PEX1: variants seen among roughly 807,000 people sequenced by gnomAD.
PEX1 encodes the protein peroxisomal ATPase PEX1.
In PEX1, 97 loss-of-function variants were observed where a neutral mutation model predicts 152.5. That is an observed-to-expected ratio of 0.64 (90% CI 0.54 to 0.75). The LOEUF is 0.75. PEX1 is among the 30% of genes least tolerant of loss of function. PEX1 has a pLI of 0.00. For synonymous variants in PEX1, 485 were observed against 531.6 expected, an observed-to-expected ratio of 0.91 and a Z score of 1.21; for missense variants, 1,357 against 1,516.3, an observed-to-expected ratio of 0.89 and a Z score of 1.74.
intron 15 of PEX1, among the ~76,000 whole-genome samples, chr7:92,500,629 C>T (rs1239647016): frequency 6.6e-6 from 1 of 152,218 alleles, no homozygotes; most frequent in East Asian, 1.9e-4. Context: ...CTGCAATCAA[C>T]ATGTCCCAGG....
chr7:92,489,541 A>G, intron 22 of PEX1, 118 bp from the exon 23 acceptor site: 1 of 1,066,310 alleles, frequency 9.4e-7, no homozygotes, highest in Non-Finnish European at 1.4e-6. Flanking sequence ...TCTCTTCCTT[A>G]TAAGATAATG....
At chr7:92,523,742 G>A (rs1164145389) in intron 1 of PEX1, among the ~76,000 whole-genome samples, 7 of 152,124 alleles carry the variant, frequency 4.6e-5, no homozygotes, top group African/African-American at 1.7e-4. Flanking sequence ...GAGGTGGGAG[G>A]ATCACTTGAG....
At chr7:92,507,244 T>A in intron 9 of PEX1, 118 bp from the exon 10 acceptor site, 1 of 885,884 alleles carries the variant, frequency 1.1e-6, no homozygotes, top group Non-Finnish European at 1.7e-6. Flanking sequence ...TAATTTTTTA[T>A]CTTTTTTTTT....
chr7:92,504,978 C>T (rs1792117161), intron 11 of PEX1, 76 bp from the exon 12 acceptor site: 1 of 1,048,210 alleles, frequency 9.5e-7, no homozygotes, highest in Non-Finnish European at 1.5e-6. Flanking sequence ...TTTGAAAGCA[C>T]TAGAAAAGCT....
chr7:92,495,826 AT>A (rs1189719448), intron 17 of PEX1, among the ~76,000 whole-genome samples: 2 of 151,952 alleles, frequency 1.3e-5, no homozygotes, highest in East Asian at 3.8e-4. Context: ...CTTTTAACAT[AT>A]TTTTTAGTTT....
chr7:92,487,598 G>A (rs1791000426), intron 23 of PEX1, 57 bp from the exon 24 acceptor site: 4 of 739,686 alleles, frequency 5.4e-6, no homozygotes, highest in Admixed American at 2.2e-5. Context: ...CAAAACAAAA[G>A]ATAATGGATT....
At position 92,501,488 on chromosome 7, in the gene PEX1, TTTC is replaced by T. The variant is rs1791923103; in HGVS notation, c.2583+16_2583+18del. 5 of 1,605,724 alleles carry T rather than the reference TTTC, an allele frequency of 3.1e-6. No homozygotes were observed. Among genetic ancestry groups the T allele is most frequent in the Non-Finnish European group, 4.3e-6 (5 of 1,172,408 alleles). ...TTCTTCTGGGAGTAAGTATTCACTT[TTTC>T]TTTTTTTAAACATACCTTGGCAGGT... On this transcript the variant is annotated intron_variant, in intron 15 of 23. Transcript: ENST00000248633.
chr7:92,527,298 T>C (rs1562872623), intron 1 of PEX1, among the ~76,000 whole-genome samples: 4 of 152,168 alleles, frequency 2.6e-5, no homozygotes, highest in African/African-American at 9.7e-5. Context: ...AAAAATCCCA[T>C]CGAAGCTGAC....
chr7:92,499,618 T>C (rs1791825511), intron 16 of PEX1, 86 bp downstream of exon 16: 1 of 1,142,900 alleles, frequency 8.7e-7, no homozygotes, highest in Admixed American at 1.7e-5. Context: ...ATGCACTAAA[T>C]GCCAGTGAAT....
intron 16 of PEX1, among the ~76,000 whole-genome samples, chr7:92,497,480 C>T (rs1036740776): frequency 1.3e-5 from 2 of 150,226 alleles, no homozygotes; most frequent in South Asian, 4.2e-4. Flanking sequence ...AATATATAAT[C>T]TTCCCTAAAA....
intron 2 of PEX1, 84 bp downstream of exon 2, chr7:92,522,018 A>C: frequency 7.0e-7 from 1 of 1,436,830 alleles, no homozygotes; most frequent in South Asian, 1.2e-5. Flanking sequence ...ACCTCCTTTA[A>C]CAAAAAATCT....
chr7:92,501,709 A>G (rs1487618067), intron 14 of PEX1, 36 bp from the exon 15 acceptor site: 4 of 1,544,342 alleles, frequency 2.6e-6, no homozygotes, highest in East Asian at 2.3e-5. Context: ...TTTACTAGTT[A>G]TATTCACTAT....
intron 17 of PEX1, among the ~76,000 whole-genome samples, chr7:92,496,101 T>A (rs1791641121): frequency 6.6e-6 from 1 of 152,136 alleles, no homozygotes; most frequent in Non-Finnish European, 1.5e-5. Flanking sequence ...ACATGAAGTA[T>A]TCATTTTATT....
chr7:92,488,607 A>C (rs1300287868), intron 23 of PEX1, among the ~76,000 whole-genome samples: 3 of 152,236 alleles, frequency 2.0e-5, no homozygotes, highest in Non-Finnish European at 4.4e-5. Flanking sequence ...TGAGGTCAAT[A>C]AAATATTAAT....
At position 92,509,331 on chromosome 7, in the gene PEX1, C is replaced by G. The variant is rs1792345170; in HGVS notation, c.1668G>C (p.Leu556Phe). 2 of 1,608,800 alleles carry G rather than the reference C, an allele frequency of 1.2e-6. No homozygotes were observed. Among genetic ancestry groups the G allele is most frequent in the Non-Finnish European group, 1.7e-6 (2 of 1,175,586 alleles). Reference sequence around the variant, plus strand: ...CTAGTTTGGCCATAACTTCTTACCCCAAAGAGCTCAGCTTTAAAAAAGGAA... The same window carrying G: ...CTAGTTTGGCCATAACTTCTTACCCGAAAGAGCTCAGCTTTAAAAAAGGAA... ...FILPFLKLSS[L>F]GGVNSLGVSS... Residue 556 changes from leucine (L) to phenylalanine (F), a missense_variant and splice_region_variant, in exon 9 of 24, where the codon TTG (leucine) becomes TTC (phenylalanine). Transcript: ENST00000248633.
chr7:92,519,098 TA>T lies in PEX1; in HGVS notation c.274-21del. The T allele has an allele frequency of 7.1e-7, 1 of 1,414,952 alleles. No homozygotes were observed. The highest frequency in any genetic ancestry group is 1.0e-6 in the Non-Finnish European group (1 of 1,001,856). The allele number at this position is 1,414,952 out of a possible 1,614,324, so 87.6% of individuals were successfully genotyped here. A position where few individuals can be genotyped will look rare whatever the true frequency, so the allele number is the denominator to read the frequency against. ...AAATACCTAGAAAAAATTAAAAATT[TA>T]AAACTACTTTAAAAAAACTTTTCTG... On this transcript the variant is annotated intron_variant, in intron 2 of 23. Transcript: ENST00000248633.
chr7:92,522,974 G>A (rs913321170), intron 1 of PEX1, among the ~76,000 whole-genome samples: 15 of 152,094 alleles, frequency 9.9e-5, no homozygotes, highest in Non-Finnish European at 2.9e-5. Context: ...AATTGTAAGG[G>A]CTCATATAAC....
Position 92,490,192 on chromosome 7 carries a change from GA to G in PEX1, c.3439-282del, listed in dbSNP as rs1791216514. 1.5e-5 allele frequency: 6 copies of G among 412,386 alleles called. No individual in the cohort carries two copies. In the Admixed American group the frequency reaches 2.4e-4, roughly 17 times the overall value. The allele number at this position is 412,386 out of a possible 1,614,324, so 25.5% of individuals were successfully genotyped here. Reference sequence around the variant, plus strand: ...TAAATCCAACACACTAATGCCCAAGGACAGGTTTCTTCATTTTCAGAAAGTA... The same window carrying G: ...TAAATCCAACACACTAATGCCCAAGGCAGGTTTCTTCATTTTCAGAAAGTA... On this transcript the variant is annotated intron_variant, in intron 21 of 23. Coordinates refer to ENST00000248633, the MANE Select transcript of PEX1 (RefSeq NM_000466.3).
intron 17 of PEX1, 148 bp downstream of exon 17, chr7:92,496,565 T>C (rs985535769): frequency 2.9e-6 from 2 of 683,604 alleles, no homozygotes; most frequent in South Asian, 1.7e-5. Context: ...TTTGATGAAA[T>C]AGAGAATCCA....
Sources: allele counts gnomAD v4.1 joint callset (sites outside exome capture counted in the v4.1 genomes callset), GRCh38; gene constraint gnomAD v4.1.1; transcripts MANE v1.5; gene names NCBI Gene and HGNC (gene_info 2026-07-23, HGNC 2026-07-21).